DRC11: variants seen among roughly 807,000 people sequenced by gnomAD.
The protein encoded by DRC11 is dynein regulatory complex subunit 11.
the DRC11 span, among the ~76,000 whole-genome samples, chr2:236,462,393 C>T: frequency 1.1e-4 from 16 of 152,158 alleles, no homozygotes; most frequent in Middle Eastern, 3.2e-3. The surrounding 1 kb of genome is among the most constrained non-coding windows in gnomAD (Gnocchi z 6.4). Context: ...CACCAGGCGC[C>T]GGGTGCGGTG....
the DRC11 span, among the ~76,000 whole-genome samples, chr2:236,364,781 T>C: frequency 1.3e-5 from 2 of 152,338 alleles, no homozygotes; most frequent in East Asian, 3.9e-4. Context: ...TTGCGTTCTG[T>C]CACTTAATGG....
At chr2:236,417,840 G>T in the DRC11 span, among the ~76,000 whole-genome samples, 1 of 151,802 alleles carries the variant, frequency 6.6e-6, no homozygotes, top group South Asian at 2.1e-4. Context: ...TTGGTTTTCT[G>T]TTCCTGTGTT....
the DRC11 span, chr2:236,368,135 A>C: frequency 9.9e-7 from 1 of 1,011,726 alleles, no homozygotes; most frequent in East Asian, 2.6e-5. Context: ...CACTGTCCAA[A>C]CCAGCAAGCG....
chr2:236,409,575 CT>C, the DRC11 span, among the ~76,000 whole-genome samples: 1 of 152,098 alleles, frequency 6.6e-6, no homozygotes, highest in Non-Finnish European at 1.5e-5. Context: ...TTGACTTCCT[CT>C]TTTCCTAATT....
chr2:236,309,404 A>AAGAGACATCCCGTTTACTCAC, the DRC11 span, among the ~76,000 whole-genome samples: 1 of 152,192 alleles, frequency 6.6e-6, no homozygotes, highest in East Asian at 1.9e-4. The surrounding 1 kb of genome is among the most constrained non-coding windows in gnomAD (Gnocchi z 5.7). Flanking sequence ...GGTCCCAAGG[A>AAGAGACATCCCGTTTACTCAC]AGAGACATCC....
the DRC11 span, among the ~76,000 whole-genome samples, chr2:236,505,758 C>A: frequency 7.2e-5 from 11 of 152,124 alleles, no homozygotes; most frequent in African/African-American, 2.4e-4. Flanking sequence ...AAGGCCAGCA[C>A]CCCCTGGATC....
the DRC11 span, among the ~76,000 whole-genome samples, chr2:236,488,610 T>C: frequency 1.2e-4 from 19 of 152,134 alleles, no homozygotes; most frequent in Admixed American, 7.2e-4. Flanking sequence ...AAAATATATA[T>C]GAAGTAAAAT....
At chr2:236,341,661 G>T in the DRC11 span, among the ~76,000 whole-genome samples, 1 of 152,140 alleles carries the variant, frequency 6.6e-6, no homozygotes, top group Non-Finnish European at 1.5e-5. Context: ...GCAGGGATGC[G>T]GTGTGGTTTA....
the DRC11 span, among the ~76,000 whole-genome samples, chr2:236,413,764 T>C: frequency 6.6e-6 from 1 of 152,266 alleles, no homozygotes; most frequent in Non-Finnish European, 1.5e-5. The surrounding 1 kb of genome is among the most constrained non-coding windows in gnomAD (Gnocchi z 4.0). Context: ...CATGTGATCA[T>C]GTTATGACAG....
the DRC11 span, among the ~76,000 whole-genome samples, chr2:236,443,846 G>A: frequency 6.6e-6 from 1 of 152,130 alleles, no homozygotes; most frequent in South Asian, 2.1e-4. The surrounding 1 kb of genome is among the most constrained non-coding windows in gnomAD (Gnocchi z 4.4). Context: ...AACCTTGCCA[G>A]CACCTGTTGT....
At chr2:236,425,555 G>A in the DRC11 span, among the ~76,000 whole-genome samples, 2 of 152,010 alleles carry the variant, frequency 1.3e-5, no homozygotes, top group African/African-American at 4.8e-5. Flanking sequence ...CTTATCAGAT[G>A]TATGGTTTGC....
At chr2:236,388,950 G>T in the DRC11 span, among the ~76,000 whole-genome samples, 34 of 152,286 alleles carry the variant, frequency 2.2e-4, no homozygotes, top group African/African-American at 7.7e-4. Flanking sequence ...CCCTGCTGGG[G>T]GGTGCCTCCC....
At chr2:236,359,415 G>A in the DRC11 span, among the ~76,000 whole-genome samples, 62 of 152,228 alleles carry the variant, frequency 4.1e-4, no homozygotes, top group Non-Finnish European at 7.5e-4. This position sits in a 1 kb window ranked among gnomAD's most constrained non-coding sequence, Gnocchi z 4.3. Context: ...TTTTCCCTGC[G>A]TGCTTCCACG....
chr2:236,488,048 A>C, the DRC11 span: 2 of 1,605,422 alleles, frequency 1.2e-6, no homozygotes, highest in Non-Finnish European at 1.7e-6. Context: ...CTTTCTTGCC[A>C]AGCATCTTGG....
the DRC11 span, among the ~76,000 whole-genome samples, chr2:236,353,795 G>A: frequency 1.3e-5 from 2 of 151,960 alleles, no homozygotes; most frequent in African/African-American, 2.4e-5. The surrounding 1 kb of genome is among the most constrained non-coding windows in gnomAD (Gnocchi z 5.0). Context: ...GAGGTGCTGC[G>A]GGGTTAGGGG....
At chr2:236,344,514 G>T in the DRC11 span, 1 of 1,442,352 alleles carries the variant, frequency 6.9e-7, no homozygotes, top group Non-Finnish European at 9.7e-7. Context: ...GGCCTCCTTT[G>T]GAGGAAAGAA....
At chr2:236,424,191 T>TAA in the DRC11 span, among the ~76,000 whole-genome samples, 1 of 152,000 alleles carries the variant, frequency 6.6e-6, no homozygotes, top group Non-Finnish European at 1.5e-5. Context: ...CCCTAAAACT[T>TAA]AAAGTGTAAA....
chr2:236,465,348 T>C, the DRC11 span, among the ~76,000 whole-genome samples: 1 of 152,222 alleles, frequency 6.6e-6, no homozygotes, highest in African/African-American at 2.4e-5. This position sits in a 1 kb window ranked among gnomAD's most constrained non-coding sequence, Gnocchi z 6.2. Flanking sequence ...TTTAAAAAAA[T>C]TAATTTCTGA....
chr2:236,414,243 T>G, the DRC11 span, among the ~76,000 whole-genome samples: 1 of 152,192 alleles, frequency 6.6e-6, no homozygotes, highest in African/African-American at 2.4e-5. Context: ...AGGCCCAATT[T>G]ATACATTTTC....
Sources: gnomAD v4.1 joint callset for allele counts (sites outside exome capture counted in the v4.1 genomes callset) on GRCh38, gnomAD v4.1.1 for gene constraint, Gnocchi (gnomAD v3.1) non-coding constraint, MANE v1.5 for transcripts, NCBI Gene and HGNC (gene_info 2026-07-23, HGNC 2026-07-21) for gene names.